Variants in OR5B3 observed in about 807,000 individuals in gnomAD.
OR5B3 encodes the protein olfactory receptor family 5 subfamily B member 3.
For synonymous variants in OR5B3, 150 were observed against 135.0 expected, an observed-to-expected ratio of 1.11 and a Z score of -0.77; for missense variants, 430 against 375.4, an observed-to-expected ratio of 1.15 and a Z score of -1.20.
chr11:58,403,712 T>C (rs771388392), intron 1 of OR5B3, among the ~76,000 whole-genome samples: 10 of 152,178 alleles, frequency 6.6e-5, no homozygotes, highest in Admixed American at 4.6e-4. Context: ...AGATGACTCA[T>C]CTAGATGCAT....
Position 58,402,924 on chromosome 11 carries a change from A to G in OR5B3, c.486T>C (p.Phe162=), listed in dbSNP as rs767059741. Residue 162 remains phenylalanine, a synonymous_variant, in exon 2 of 2, where the codon TTT becomes TTC. Coordinates refer to ENST00000641865, the MANE Select transcript of OR5B3 (RefSeq NM_001005469.2). ...LNASIHTGDT[F]SLSFCKSNEV... is the part of the protein sequence containing the mutation. ...CATTGGACTTACAGAAAGAGAGACTAAATGTGTCCCCAGTGTGGATGGAGG... is the reference window on the plus strand; with the variant it reads ...CATTGGACTTACAGAAAGAGAGACTGAATGTGTCCCCAGTGTGGATGGAGG... The G allele has an allele frequency of 1.2e-5, 19 of 1,613,854 alleles. No individual in the cohort carries two copies. The highest frequency in any genetic ancestry group is 5.0e-5 in the Admixed American group (3 of 59,976).
rs1353228473 is a variant in OR5B3, at chr11:58,403,431, G to C, written c.-22C>G. ...CCATCACTGCTCTGGGGGACTCACA[G>C]GATGCTTGTAGCAATACAAAAAAGA... On this transcript the variant is annotated 5_prime_UTR_variant, in exon 2 of 2. Coordinates refer to ENST00000641865, the MANE Select transcript of OR5B3 (RefSeq NM_001005469.2). 1 of 1,336,460 alleles carries C rather than the reference G, an allele frequency of 7.5e-7. No individual in the cohort carries two copies. The highest frequency in any genetic ancestry group is 1.0e-6 in the Non-Finnish European group (1 of 970,560). The allele number at this position is 1,336,460 out of a possible 1,614,324, so 82.8% of individuals were successfully genotyped here.
At position 58,402,949 on chromosome 11, in the gene OR5B3, G is replaced by A. The variant is rs1419980396; in HGVS notation, c.461C>T (p.Ala154Val). 3.7e-6 allele frequency: 6 copies of A among 1,614,000 alleles called. No homozygotes were observed. The change falls in exon 2 of 2, where the codon GCC becomes GTC. Residue 154 changes from alanine to valine, a missense_variant. By Grantham distance (64) the Ala-to-Val change is moderately conservative (BLOSUM62 0). Transcript: ENST00000641865. Reference sequence around the variant, plus strand: ...AAATGTGTCCCCAGTGTGGATGGAGGCATTCAGGAAACCACAGAGGTAGGA... The same window carrying A: ...AAATGTGTCCCCAGTGTGGATGGAGACATTCAGGAAACCACAGAGGTAGGA... ...IGSYLCGFLN[A>V]SIHTGDTFSL... is the part of the protein sequence containing the mutation.
rs1855055009 is a variant in OR5B3 at position 58,403,113 on chromosome 11, C to T, written c.297G>A (p.Met99Ile). 2 of 1,614,128 alleles carry T rather than the reference C, an allele frequency of 1.2e-6. No homozygotes were observed. Among genetic ancestry groups the T allele is most frequent in the South Asian group, 2.2e-5 (2 of 91,090 alleles). ...CAGTGGCAAAAGCTACAAAGATATA[C>T]ATTTGAGCAGCACATGCATTGTAAG... ...VISYNACAAQMYIFVAFATVE... is the reference protein window; with the variant it reads ...VISYNACAAQIYIFVAFATVE... Residue 99 changes from methionine to isoleucine, a missense_variant, in exon 2 of 2, where the codon ATG becomes ATA. Physicochemically the swap from Met to Ile is conservative, Grantham distance 10 (BLOSUM62 1). Transcript: ENST00000641865.
chr11:58,405,455 G>T (rs1443307056), intron 1 of OR5B3, among the ~76,000 whole-genome samples: 6 of 152,138 alleles, frequency 3.9e-5, no homozygotes, highest in Admixed American at 3.9e-4. Context: ...CAGGGACATA[G>T]ATGGATCTGG....
intron 1 of OR5B3, among the ~76,000 whole-genome samples, chr11:58,406,150 A>AT: frequency 6.6e-6 from 1 of 152,088 alleles, no homozygotes; most frequent in Non-Finnish European, 1.5e-5. Context: ...ATATATAAAT[A>AT]ATGTGTGTGT....
At position 58,403,053 on chromosome 11, in the gene OR5B3, G is replaced by T; in HGVS notation, c.357C>A (p.Asp119Glu). ...ENYLLASMAYDRYAAVCKPLH... is the reference protein window; with the variant it reads ...ENYLLASMAYERYAAVCKPLH... ...GGGGTTTGCACACTGCTGCATAGCGGTCATAGGCCATTGAGGCCAAGAGGT... is the reference window on the plus strand; with the variant it reads ...GGGGTTTGCACACTGCTGCATAGCGTTCATAGGCCATTGAGGCCAAGAGGT... The change falls in exon 2 of 2, where the codon GAC becomes GAA. Residue 119 changes from aspartate to glutamate, a missense_variant. Physicochemically the swap from Asp to Glu is conservative, Grantham distance 45. Transcript: ENST00000641865. 1 of 1,614,124 alleles carries T rather than the reference G, an allele frequency of 6.2e-7. No individual in the cohort carries two copies. Among genetic ancestry groups the T allele is most frequent in the Non-Finnish European group, 8.5e-7 (1 of 1,179,974 alleles).
chr11:58,405,766 T>C (rs1047283119), intron 1 of OR5B3, among the ~76,000 whole-genome samples: 1 of 151,938 alleles, frequency 6.6e-6, no homozygotes, highest in Non-Finnish European at 1.5e-5. Context: ...AAGTTGGACT[T>C]TTTTTTTAAA....
At chr11:58,406,399 T>TA (rs548222877) in intron 1 of OR5B3, among the ~76,000 whole-genome samples, 97 of 152,122 alleles carry the variant, frequency 6.4e-4, no homozygotes, top group African/African-American at 2.3e-3. Flanking sequence ...AATGAGATTA[T>TA]AAAAAAAGTT....
intron 1 of OR5B3, among the ~76,000 whole-genome samples, chr11:58,404,578 G>T (rs917726611): frequency 6.6e-6 from 1 of 151,702 alleles, no homozygotes; most frequent in Admixed American, 6.6e-5. Flanking sequence ...GTTCTTCAGT[G>T]ATTTTCAGGT....
intron 1 of OR5B3, among the ~76,000 whole-genome samples, chr11:58,404,597 C>T (rs1356965579): frequency 2.0e-5 from 3 of 151,772 alleles, no homozygotes; most frequent in South Asian, 4.2e-4. Context: ...GTTGTTCTTC[C>T]TCCAAGCAAA....
rs749680681 is a variant in OR5B3, at chr11:58,402,510, C to G, written c.900G>C (p.Lys300Asn). The G allele has an allele frequency of 5.4e-5, 87 of 1,613,214 alleles. No homozygotes were observed. The highest frequency in any genetic ancestry group is 7.1e-5 in the Non-Finnish European group (84 of 1,179,326). ...LRNKEVKSAF[K>N]KVVEKAKLSV... ...ACAATTTTGCCTTCTCAACAACTTTCTTGAATGCACTCTTCACTTCCTTGT... is the reference window on the plus strand; with the variant it reads ...ACAATTTTGCCTTCTCAACAACTTTGTTGAATGCACTCTTCACTTCCTTGT... The change falls in exon 2 of 2, where the codon AAG (lysine) becomes AAC (asparagine). Residue 300 changes from lysine to asparagine, a missense_variant. By Grantham distance (94) the Lys-to-Asn change is moderately conservative (BLOSUM62 0). Transcript: ENST00000641865.
rs1855064110 is a variant in OR5B3, at chr11:58,403,455, G to C, written c.-26-20C>G. The C allele has an allele frequency of 1.0e-6, 1 of 955,292 alleles. No homozygotes were observed. The highest frequency in any genetic ancestry group is 1.6e-5 in the African/African-American group (1 of 61,064). The allele number at this position is 955,292 out of a possible 1,614,324, so 59.2% of individuals were successfully genotyped here. A position where few individuals can be genotyped will look rare whatever the true frequency, so the allele number is the denominator to read the frequency against. On this transcript the variant is annotated intron_variant, in intron 1 of 1. Coordinates refer to ENST00000641865, the MANE Select transcript of OR5B3 (RefSeq NM_001005469.2). ...AGGATGCTTGTAGCAATACAAAAAAGAACAGTGTGATAAATAAATTGAATT... is the reference window on the plus strand; with the variant it reads ...AGGATGCTTGTAGCAATACAAAAAACAACAGTGTGATAAATAAATTGAATT...
Position 58,403,383 on chromosome 11 carries a change from TTG to T in OR5B3, c.25_26del (p.Gln9IlefsTer9). On this transcript the variant is annotated frameshift_variant, in exon 2 of 2. Coordinates refer to ENST00000641865, the MANE Select transcript of OR5B3 (RefSeq NM_001005469.2). LOFTEE classifies it low-confidence loss of function (END_TRUNC). MENKTEVT[Q>X]FILLGLTNDS... ...CATTGGTTAGTCCTAGAAGAATGAATTGTGTTACTTCTGTCTTATTTTCCATC... is the reference window on the plus strand; with the variant it reads ...CATTGGTTAGTCCTAGAAGAATGAATTGTTACTTCTGTCTTATTTTCCATC... 6.3e-7 allele frequency: 1 copy of T among 1,591,360 alleles called. No individual in the cohort carries two copies. The highest frequency in any genetic ancestry group is 8.6e-7 in the Non-Finnish European group (1 of 1,168,268).
In OR5B3 at chr11:58,402,960, A is replaced by T; in HGVS notation, c.450T>A (p.Gly150=). ...CAGTGTGGATGGAGGCATTCAGGAAACCACAGAGGTAGGAGCCTATGGCCA... is the reference window on the plus strand; with the variant it reads ...CAGTGTGGATGGAGGCATTCAGGAATCCACAGAGGTAGGAGCCTATGGCCA... ...ARLAIGSYLC[G]FLNASIHTGD... The change falls in exon 2 of 2, where the codon GGT becomes GGA. Residue 150 remains glycine (G), a synonymous_variant. Coordinates refer to ENST00000641865, the MANE Select transcript of OR5B3 (RefSeq NM_001005469.2). 1 of 1,614,098 alleles carries T rather than the reference A, an allele frequency of 6.2e-7. No individual in the cohort carries two copies. Among genetic ancestry groups the T allele is most frequent in the Middle Eastern group, 1.7e-4 (1 of 6,060 alleles).
Position 58,403,198 on chromosome 11 carries a change from T to A in OR5B3, c.212A>T (p.Tyr71Phe). ...GACGATGGGAGTGACAGCTGAAGAGTAGCAAAAGTCCACTAGAGACAAGTT... is the reference window on the plus strand; with the variant it reads ...GACGATGGGAGTGACAGCTGAAGAGAAGCAAAAGTCCACTAGAGACAAGTT... Reference protein sequence around the residue: ...LSNLSLVDFCYSSAVTPIVMA... With the variant: ...LSNLSLVDFCFSSAVTPIVMA... Residue 71 changes from tyrosine to phenylalanine, a missense_variant, in exon 2 of 2, where the codon TAC becomes TTC. Tyr to Phe is a conservative substitution (Grantham distance 22, BLOSUM62 3). Coordinates refer to ENST00000641865, the MANE Select transcript of OR5B3 (RefSeq NM_001005469.2). 6.2e-7 allele frequency: 1 copy of A among 1,613,692 alleles called. No homozygotes were observed. Among genetic ancestry groups the A allele is most frequent in the Non-Finnish European group, 8.5e-7 (1 of 1,179,810 alleles).
chr11:58,405,774 A>T (rs1409009574), intron 1 of OR5B3, among the ~76,000 whole-genome samples: 1 of 152,026 alleles, frequency 6.6e-6, no homozygotes, highest in East Asian at 1.9e-4. Flanking sequence ...CTTTTTTTTT[A>T]AAAAGACACA....
At chr11:58,403,460 G>A in intron 1 of OR5B3, 25 bp from the exon 2 acceptor site, 4 of 932,960 alleles carry the variant, frequency 4.3e-6, no homozygotes, top group Non-Finnish European at 6.5e-6. Context: ...AAAAAGAACA[G>A]TGTGATAAAT....
Position 58,403,175 on chromosome 11 carries a change from C to T in OR5B3, c.235G>A (p.Val79Ile), listed in dbSNP as rs372384649. The T allele has an allele frequency of 2.4e-5, 39 of 1,613,668 alleles. No homozygotes were observed. The highest frequency in any genetic ancestry group is 7.7e-5 in the South Asian group (7 of 91,056). The change falls in exon 2 of 2, where the codon GTC becomes ATC. Residue 79 changes from valine to isoleucine, a missense_variant. By Grantham distance (29) the Val-to-Ile change is conservative. Coordinates refer to ENST00000641865, the MANE Select transcript of OR5B3 (RefSeq NM_001005469.2). ...TCTTCTATAAGGAATCCAGCCATGA[C>T]GATGGGAGTGACAGCTGAAGAGTAG... ...FCYSSAVTPI[V>I]MAGFLIEDKV...
Sources: allele counts gnomAD v4.1 joint callset (sites outside exome capture counted in the v4.1 genomes callset), GRCh38; gene constraint gnomAD v4.1.1; transcripts MANE v1.5; gene names NCBI Gene and HGNC (gene_info 2026-07-23, HGNC 2026-07-21).